Variants in MTMR9 observed in about 807,000 individuals in gnomAD.
MTMR9 encodes the protein myotubularin related protein 9.
Under a neutral mutation model 69.5 loss-of-function variants are expected in MTMR9, and 39 were observed. The ratio of observed to expected loss-of-function variants is 0.56; its 90% CI spans 0.43 to 0.73. MTMR9 has a LOEUF of 0.73. Ranked by LOEUF, MTMR9 falls within the 30% of genes least tolerant of loss-of-function variation. The probability of loss-of-function intolerance (pLI) is 0.00; values close to 1 mark genes in which losing one functional copy is unlikely to be tolerated. For synonymous variants in MTMR9, 354 were observed against 240.8 expected, an observed-to-expected ratio of 1.47 and a Z score of -4.35; for missense variants, 900 against 671.2, an observed-to-expected ratio of 1.34 and a Z score of -3.77.
chr8:11,297,267 C>T (rs1161915365), intron 2 of MTMR9, among the ~76,000 whole-genome samples: 2 of 152,150 alleles, frequency 1.3e-5, no homozygotes, highest in African/African-American at 2.4e-5. Flanking sequence ...TGTTATAGTG[C>T]TAAGTAAATG....
In MTMR9 at chr8:11,300,043, C is replaced by A. The variant is rs1799698285; in HGVS notation, c.312C>A (p.Ser104=). 6.2e-7 allele frequency: 1 copy of A among 1,613,282 alleles called. No individual in the cohort carries two copies. Among genetic ancestry groups the A allele is most frequent in the Non-Finnish European group, 8.5e-7 (1 of 1,179,504 alleles). ...CCCAGGCATTGTCTACTCTGGACTC[C>A]ATCACTCTGATGTACCCTTTCTTTT... is the stretch of plus-strand genomic sequence containing the variant. ...SSIEALSTLD[S]ITLMYPFFYR... Residue 104 remains serine, a synonymous_variant, in exon 3 of 10, where the codon TCC becomes TCA. Coordinates refer to ENST00000221086, the MANE Select transcript of MTMR9 (RefSeq NM_015458.4).
chr8:11,312,550 C>T (rs914770315), intron 6 of MTMR9, among the ~76,000 whole-genome samples: 2 of 152,210 alleles, frequency 1.3e-5, no homozygotes, highest in Non-Finnish European at 2.9e-5. Context: ...TTTGCTATTT[C>T]TGTAACATCT....
chr8:11,290,008 G>T (rs750176853), intron 1 of MTMR9, among the ~76,000 whole-genome samples: 6 of 152,180 alleles, frequency 3.9e-5, no homozygotes, highest in Non-Finnish European at 7.3e-5. Context: ...GCGCCATAAA[G>T]TAGGTGCGTA....
At chr8:11,316,647 C>CT in intron 7 of MTMR9, 26 bp from the exon 8 acceptor site, 1 of 1,513,198 alleles carries the variant, frequency 6.6e-7, no homozygotes, top group Non-Finnish European at 8.9e-7. Flanking sequence ...CAGGATATGA[C>CT]TGTCACGCCT....
intron 2 of MTMR9, among the ~76,000 whole-genome samples, 200 bp downstream of exon 2, chr8:11,295,502 C>T (rs201291349): frequency 1.5e-5 from 1 of 64,550 alleles, no homozygotes; most frequent in Admixed American, 1.7e-4. Flanking sequence ...TGGTGTTACT[C>T]ACGTTATATG....
At position 11,298,382 on chromosome 8, in the gene MTMR9, A is replaced by T. The variant is rs894687679; in HGVS notation, c.292-1641A>T. Among the ~76,000 whole-genome samples the T allele has an allele frequency of 5.3e-5, 8 of 150,576 alleles. No individual in the cohort carries two copies. The East Asian group carries it at 1.2e-3, about 22-fold the overall frequency. ...CCAAAGACAGTATAGATGTAGGAAA[A>T]ATATATATATATATATTTATATGGA... On this transcript the variant is annotated intron_variant, in intron 2 of 9. Coordinates refer to ENST00000221086, the MANE Select transcript of MTMR9 (RefSeq NM_015458.4).
rs1174008904 is a variant in MTMR9 at position 11,325,489 on chromosome 8, G to C, written c.*2701G>C. 2.0e-5 allele frequency: 3 copies of C among 152,176 alleles called. No individual in the cohort carries two copies. Among genetic ancestry groups the C allele is most frequent in the East Asian group, 3.8e-4 (2 of 5,196 alleles). 9.4% of individuals were successfully genotyped at this position (152,176 alleles called of 1,614,324 possible). ...AGGGGCCGGTAATAATCACGTGAGG[G>C]ATAATCAGATTCCTGCGTATTCAGC... On this transcript the variant is annotated 3_prime_UTR_variant, in exon 10 of 10. Transcript: ENST00000221086.
the MTMR9 span, among the ~76,000 whole-genome samples, chr8:11,337,900 C>T: frequency 6.6e-6 from 1 of 152,190 alleles, no homozygotes; most frequent in East Asian, 1.9e-4. Context: ...GATTTACTGC[C>T]ACCACCTCTC....
At chr8:11,288,279 A>G (rs1799259377) in intron 1 of MTMR9, among the ~76,000 whole-genome samples, 1 of 139,762 alleles carries the variant, frequency 7.2e-6, no homozygotes, top group South Asian at 2.1e-4. Context: ...ATAATATAGT[A>G]TAATATAGCA....
Position 11,326,970 on chromosome 8 carries a change from A to G in MTMR9, c.*4182A>G, listed in dbSNP as rs1432188570. On this transcript the variant is annotated 3_prime_UTR_variant, in exon 10 of 10. Transcript: ENST00000221086. ...GGGCGAAAGGGCAAGACTCCATCTC[A>G]AAAAAAAAAAAAAAAAAAGACTCAT... The G allele has an allele frequency of 2.5e-5, 1 of 40,368 alleles. No homozygotes were observed. The highest frequency in any genetic ancestry group is 7.4e-5 in the African/African-American group (1 of 13,600). The allele number at this position is 40,368 out of a possible 1,614,324, so 2.5% of individuals were successfully genotyped here.
chr8:11,301,250 T>C (rs1418103237), intron 3 of MTMR9, among the ~76,000 whole-genome samples: 2 of 152,324 alleles, frequency 1.3e-5, no homozygotes, highest in Non-Finnish European at 2.9e-5. Context: ...AGAAAACACT[T>C]GATTACTGTA....
chr8:11,288,222 A>C (rs1158139047), intron 1 of MTMR9, among the ~76,000 whole-genome samples: 1 of 136,414 alleles, frequency 7.3e-6, no homozygotes. Context: ...ATATATTAAT[A>C]ATTATAATAT....
At chr8:11,312,239 G>A (rs1261115229) in intron 6 of MTMR9, among the ~76,000 whole-genome samples, 1 of 151,798 alleles carries the variant, frequency 6.6e-6, no homozygotes, top group African/African-American at 2.4e-5. Context: ...TAACAGAGAT[G>A]TGGTTTCTGT....
At chr8:11,321,325 T>A (rs757685171) in intron 9 of MTMR9, 4 of 443,648 alleles carry the variant, frequency 9.0e-6, no homozygotes, top group African/African-American at 2.0e-5. Context: ...ACAGGGTTCA[T>A]GATCTCTTAA....
intron 8 of MTMR9, chr8:11,317,891 A>C (rs1800497423): frequency 6.6e-6 from 1 of 152,170 alleles, no homozygotes; most frequent in Non-Finnish European, 1.5e-5. Flanking sequence ...TTAGCCCTGG[A>C]CTGTACTCTG....
At position 11,323,348 on chromosome 8, in the gene MTMR9, C is replaced by T. The variant is rs1000834367; in HGVS notation, c.*560C>T. The T allele has an allele frequency of 6.6e-6, 1 of 152,214 alleles. No individual in the cohort carries two copies. The highest frequency in any genetic ancestry group is 1.5e-5 in the Non-Finnish European group (1 of 68,030). The allele number at this position is 152,214 out of a possible 1,614,324, so 9.4% of individuals were successfully genotyped here. On this transcript the variant is annotated 3_prime_UTR_variant, in exon 10 of 10. Coordinates refer to ENST00000221086, the MANE Select transcript of MTMR9 (RefSeq NM_015458.4). ...GACTAACGAAGCTGAAATCTATTCT[C>T]ATTCTTGTTTGTCAAGAAAGGAAAA... is the stretch of plus-strand genomic sequence containing the variant.
At chr8:11,302,925 T>C (rs1026211817) in intron 3 of MTMR9, among the ~76,000 whole-genome samples, 10 of 151,972 alleles carry the variant, frequency 6.6e-5, no homozygotes, top group African/African-American at 2.4e-4. Flanking sequence ...AGTAAGACCT[T>C]TATTGAGAGA....
At chr8:11,330,162 C>CCCCCGCCCGGCCAGCCG (rs1161161864), downstream of MTMR9, among the ~76,000 whole-genome samples, 1 of 150,974 alleles carries the variant, frequency 6.6e-6, no homozygotes, top group Non-Finnish European at 1.5e-5. Flanking sequence ...CGGGGATCAG[C>CCCCCGCCCGGCCAGCCG]CCCCGCCCGG....
At chr8:11,297,201 C>G (rs750437882) in intron 2 of MTMR9, among the ~76,000 whole-genome samples, 2 of 152,050 alleles carry the variant, frequency 1.3e-5, no homozygotes, top group African/African-American at 2.4e-5. Context: ...TCTTAAAAAT[C>G]TAGAAGTAGG....
Sources: gnomAD v4.1 joint callset for allele counts (sites outside exome capture counted in the v4.1 genomes callset) on GRCh38, gnomAD v4.1.1 for gene constraint, MANE v1.5 for transcripts, NCBI Gene and HGNC (gene_info 2026-07-23, HGNC 2026-07-21) for gene names.